The following RIMS2 variants were observed in gnomAD, a reference collection of about 807,000 sequenced individuals.
RIMS2 encodes the protein regulating synaptic membrane exocytosis 2, also known as regulating synaptic membrane exocytosis protein 2.
RIMS2 carries 59 observed loss-of-function variants against 174.4 expected under a neutral mutation model. The observed-to-expected ratio is 0.34, with a 90% CI of 0.27 to 0.42. RIMS2 has a LOEUF of 0.42. Ranked by LOEUF, RIMS2 falls within the 10% of genes least tolerant of loss-of-function variation. RIMS2 has a pLI of 1.00. For missense variants in RIMS2, 1,620 were observed against 1,666.3 expected (o/e 0.97, Z 0.48); for synonymous variants, 606 against 572.5 (o/e 1.06, Z -0.84).
At chr8:104,113,003 G>T (rs1358503126) in intron 19 of RIMS2, among the ~76,000 whole-genome samples, 1 of 152,080 alleles carries the variant, frequency 6.6e-6, no homozygotes, top group Non-Finnish European at 1.5e-5. Context: ...TAATCATCAT[G>T]TTCCTTTTGT....
At chr8:104,194,520 C>T (rs574532204) in intron 19 of RIMS2, among the ~76,000 whole-genome samples, 2 of 152,216 alleles carry the variant, frequency 1.3e-5, no homozygotes, top group South Asian at 4.1e-4. Flanking sequence ...AATGGAAATA[C>T]ATTTTTAAAA....
At chr8:103,910,823 T>C (rs2075528667) in intron 5 of RIMS2, among the ~76,000 whole-genome samples, 1 of 152,230 alleles carries the variant, frequency 6.6e-6, no homozygotes. Context: ...GAGAACTTTG[T>C]AATGTTATTA....
chr8:103,971,214 A>G (rs1221499249), intron 15 of RIMS2, among the ~76,000 whole-genome samples: 1 of 152,196 alleles, frequency 6.6e-6, no homozygotes, highest in African/African-American at 2.4e-5. Context: ...TTTATTTCCC[A>G]TTGAAAATGT....
chr8:104,217,050 C>T (rs1182846359), intron 19 of RIMS2, among the ~76,000 whole-genome samples: 1 of 152,106 alleles, frequency 6.6e-6, no homozygotes, highest in Non-Finnish European at 1.5e-5. Context: ...TATTCTTCCC[C>T]TGTATTATCT....
At chr8:104,049,833 A>C (rs964175229) in intron 19 of RIMS2, among the ~76,000 whole-genome samples, 1 of 152,210 alleles carries the variant, frequency 6.6e-6, no homozygotes, top group Non-Finnish European at 1.5e-5. Context: ...AAATTAGATA[A>C]ATTTTTCATT....
At chr8:103,631,753 T>C (rs1455512808) in intron 1 of RIMS2, among the ~76,000 whole-genome samples, 1 of 152,216 alleles carries the variant, frequency 6.6e-6, no homozygotes, top group Non-Finnish European at 1.5e-5. Flanking sequence ...ATTCTTCCTA[T>C]CCATGAACAT....
chr8:103,861,969 G>A (rs2099061290), intron 3 of RIMS2, among the ~76,000 whole-genome samples: 1 of 152,032 alleles, frequency 6.6e-6, no homozygotes, highest in Non-Finnish European at 1.5e-5. Context: ...TTGCTGTGCA[G>A]CAGCTTTTTA....
intron 19 of RIMS2, among the ~76,000 whole-genome samples, chr8:104,140,388 T>C (rs995256639): frequency 6.6e-6 from 1 of 152,164 alleles, no homozygotes; most frequent in African/African-American, 2.4e-5. Flanking sequence ...TCTGTACTTA[T>C]AACTTTTGCT....
intron 19 of RIMS2, among the ~76,000 whole-genome samples, chr8:104,208,175 T>C (rs1056507467): frequency 2.2e-4 from 34 of 152,164 alleles, no homozygotes; most frequent in African/African-American, 8.0e-4. Flanking sequence ...ATATAGTACA[T>C]TTCATGAGAC....
At chr8:103,683,157 T>C (rs1341530902) in intron 1 of RIMS2, among the ~76,000 whole-genome samples, 1 of 152,162 alleles carries the variant, frequency 6.6e-6, no homozygotes. Context: ...TGGTAATTTA[T>C]AGGGAAAAGA....
chr8:104,198,823 G>C (rs1211968897), intron 19 of RIMS2, among the ~76,000 whole-genome samples: 1 of 152,056 alleles, frequency 6.6e-6, no homozygotes, highest in African/African-American at 2.4e-5. Context: ...CATCTTCTTA[G>C]GGTCCTGGAT....
At chr8:103,786,693 A>C (rs149982287) in intron 3 of RIMS2, among the ~76,000 whole-genome samples, 1 of 152,276 alleles carries the variant, frequency 6.6e-6, no homozygotes, top group Non-Finnish European at 1.5e-5. Flanking sequence ...ACTTCCAAGT[A>C]TGTTGTCAGT....
intron 1 of RIMS2, among the ~76,000 whole-genome samples, chr8:103,686,634 C>G (rs143236755): frequency 1.3e-5 from 2 of 152,244 alleles, no homozygotes; most frequent in Non-Finnish European, 2.9e-5. Flanking sequence ...CTAAGATAAA[C>G]ATCACCTATT....
At chr8:103,934,527 T>C (rs1158469637) in intron 12 of RIMS2, among the ~76,000 whole-genome samples, 1 of 152,174 alleles carries the variant, frequency 6.6e-6, no homozygotes, top group Non-Finnish European at 1.5e-5. Flanking sequence ...CTTATTAAAT[T>C]GTAATCATAT....
chr8:103,782,640 T>C (rs1388847108), intron 3 of RIMS2, among the ~76,000 whole-genome samples: 1 of 152,202 alleles, frequency 6.6e-6, no homozygotes, highest in Non-Finnish European at 1.5e-5. Flanking sequence ...GGTTTTAGTT[T>C]CTAATTCATT....
At position 104,002,583 on chromosome 8, in the gene RIMS2, G is replaced by A. The variant is rs531858785; in HGVS notation, c.3045-10859G>A. Among the ~76,000 whole-genome samples the A allele has an allele frequency of 2.6e-5, 4 of 152,246 alleles. No homozygotes were observed. In the East Asian group the frequency reaches 5.8e-4, roughly 22 times the overall value. ...GTTCTCTAGCCTCGTTTTCAAGGTA[G>A]CATATACTTTCAACTGGAAATTGTT... On this transcript the variant is annotated intron_variant, in intron 17 of 23. Coordinates refer to ENST00000504942, the Ensembl canonical transcript of RIMS2.
At chr8:104,101,964 T>C (rs2097912004) in intron 19 of RIMS2, among the ~76,000 whole-genome samples, 1 of 152,204 alleles carries the variant, frequency 6.6e-6, no homozygotes, top group Non-Finnish European at 1.5e-5. Flanking sequence ...GCTTTCTATA[T>C]GTCCTCCATG....
intron 2 of RIMS2, among the ~76,000 whole-genome samples, chr8:103,737,175 CTTTTTTTTTTTT>C (rs554949027): frequency 4.4e-5 from 3 of 67,510 alleles, no homozygotes; most frequent in South Asian, 6.5e-4. Context: ...TTTCTTTGTT[CTTTTTTTTTTTT>C]TTTTTTTTTT....
chr8:103,756,000 A>G (rs1159801992), intron 2 of RIMS2, among the ~76,000 whole-genome samples: 1 of 152,172 alleles, frequency 6.6e-6, no homozygotes, highest in African/African-American at 2.4e-5. Context: ...TTGGCGGCAA[A>G]GAGGTGCTCT....
Sources: gnomAD v4.1 joint callset for allele counts (sites outside exome capture counted in the v4.1 genomes callset) on GRCh38, gnomAD v4.1.1 for gene constraint, MANE v1.5 for transcripts, NCBI Gene and HGNC (gene_info 2026-07-23, HGNC 2026-07-21) for gene names.